ENTPD1: variants seen among roughly 807,000 people sequenced by gnomAD.
The protein encoded by ENTPD1 is ectonucleoside triphosphate diphosphohydrolase 1.
A neutral mutation model predicts 57.0 loss-of-function variants in ENTPD1; 33 were observed. The ratio of observed to expected loss-of-function variants is 0.58; its 90% CI spans 0.44 to 0.77. The LOEUF (loss-of-function observed/expected upper bound fraction) is 0.77, where lower values mean the gene tolerates loss of function less well. Among genes scored for constraint, ENTPD1 ranks in the 30% least tolerant of loss-of-function variants. The pLI is 0.00. For missense variants in ENTPD1, 501 were observed against 603.4 expected (o/e 0.83, Z 1.78); for synonymous variants, 202 against 218.8 (o/e 0.92, Z 0.68).
intron 2 of ENTPD1, among the ~76,000 whole-genome samples, chr10:95,824,409 G>A (rs957444283): frequency 6.6e-6 from 1 of 152,252 alleles, no homozygotes; most frequent in Non-Finnish European, 1.5e-5. Context: ...TCACTGTATA[G>A]CAGAGGCGTG....
chr10:95,850,102 TA>T (rs2098442342), intron 7 of ENTPD1, among the ~76,000 whole-genome samples: 1 of 152,178 alleles, frequency 6.6e-6, no homozygotes, highest in Non-Finnish European at 1.5e-5. Context: ...CAGGGAGAGA[TA>T]GGGGCTGGAA....
chr10:95,764,570 A>G (rs2098080571), intron 1 of ENTPD1, among the ~76,000 whole-genome samples: 1 of 152,070 alleles, frequency 6.6e-6, no homozygotes, highest in Non-Finnish European at 1.5e-5. Flanking sequence ...ATCTTTTATT[A>G]TAGCCTTCCT....
intron 3 of ENTPD1, among the ~76,000 whole-genome samples, chr10:95,840,185 G>A (rs544974950): frequency 1.3e-5 from 2 of 152,310 alleles, no homozygotes; most frequent in South Asian, 4.1e-4. Context: ...TATACCACTT[G>A]TTTGTTACTC....
At chr10:95,694,603 G>A in the ENTPD1 span, among the ~76,000 whole-genome samples, 1 of 152,052 alleles carries the variant, frequency 6.6e-6, no homozygotes, top group Non-Finnish European at 1.5e-5. Context: ...AGAAAATAGG[G>A]AGAGAAAGAA....
upstream of ENTPD1, chr10:95,754,884 A>G (rs1260187649): frequency 6.6e-6 from 1 of 152,372 alleles, no homozygotes; most frequent in Admixed American, 6.5e-5. Context: ...AGATGCCTAA[A>G]CTAAAAGGTT....
At chr10:95,793,978 G>A (rs1383763109) in intron 1 of ENTPD1, among the ~76,000 whole-genome samples, 1 of 152,128 alleles carries the variant, frequency 6.6e-6, no homozygotes, top group Non-Finnish European at 1.5e-5. Context: ...AAATTAGAAA[G>A]TCACTAATGA....
chr10:95,773,765 G>A (rs868619646), intron 1 of ENTPD1, among the ~76,000 whole-genome samples: 16 of 152,268 alleles, frequency 1.1e-4, no homozygotes, highest in Admixed American at 3.3e-4. Context: ...CCAAGTCTTT[G>A]CTATTGTGAA....
At chr10:95,788,156 A>C (rs927373923) in intron 1 of ENTPD1, among the ~76,000 whole-genome samples, 1 of 152,188 alleles carries the variant, frequency 6.6e-6, no homozygotes, top group Non-Finnish European at 1.5e-5. Flanking sequence ...TCTAGGCATT[A>C]ATAGTCCTAA....
chr10:95,787,421 T>A (rs1435268801), intron 1 of ENTPD1, among the ~76,000 whole-genome samples: 1 of 152,162 alleles, frequency 6.6e-6, no homozygotes, highest in Non-Finnish European at 1.5e-5. Context: ...TATTTAAAGA[T>A]ATAGGTGTTT....
intron 1 of ENTPD1, among the ~76,000 whole-genome samples, chr10:95,765,507 C>T (rs1043873347): frequency 1.2e-4 from 18 of 152,176 alleles, no homozygotes; most frequent in Middle Eastern, 3.4e-3. Flanking sequence ...TAAGTGTGAG[C>T]GTTTTTTTCT....
the ENTPD1 span, among the ~76,000 whole-genome samples, chr10:95,700,701 A>C: frequency 6.6e-6 from 1 of 152,208 alleles, no homozygotes; most frequent in Non-Finnish European, 1.5e-5. Context: ...TAAAAAGAAA[A>C]GAAAATGGAA....
In ENTPD1 at chr10:95,866,338, G is replaced by GT; in HGVS notation, c.1488_1489insT (p.Leu497SerfsTer26). ...TTTTCACAGTGGCCATCATAGGCTTGCTTATCTTTCACAAGCCTTCATATT... is the reference window on the plus strand; with the variant it reads ...TTTTCACAGTGGCCATCATAGGCTTGTCTTATCTTTCACAAGCCTTCATATT... On this transcript the variant is annotated frameshift_variant, in exon 10 of 10. Coordinates refer to ENST00000371205, the MANE Select transcript of ENTPD1 (RefSeq NM_001776.6). LOFTEE classifies it high-confidence loss of function. 6.2e-7 allele frequency: 1 copy of GT among 1,614,142 alleles called. No individual in the cohort carries two copies. Among genetic ancestry groups the GT allele is most frequent in the Non-Finnish European group, 8.5e-7 (1 of 1,180,034 alleles).
intron 1 of ENTPD1, 145 bp from the exon 2 acceptor site, chr10:95,823,092 G>A: frequency 1.1e-6 from 1 of 909,790 alleles, no homozygotes; most frequent in South Asian, 1.4e-5. Context: ...CAATTACTCT[G>A]TAAGTACCTC....
rs2098203156 is a variant in ENTPD1, at chr10:95,791,403, A to G, written c.17-31834A>G. ...AGCCTGGAGAATAGGGGACTTGAGGATGGGGTTTATATACTGGCAACCCAT... is the reference window on the plus strand; with the variant it reads ...AGCCTGGAGAATAGGGGACTTGAGGGTGGGGTTTATATACTGGCAACCCAT... On this transcript the variant is annotated intron_variant, in intron 1 of 9. Coordinates refer to ENST00000371205, the MANE Select transcript of ENTPD1 (RefSeq NM_001776.6). This position sits in a 1 kb window ranked among gnomAD's most constrained non-coding sequence, Gnocchi z 4.1. Among the ~76,000 whole-genome samples the G allele has an allele frequency of 1.3e-5, 2 of 152,180 alleles. No individual in the cohort carries two copies. Among genetic ancestry groups the G allele is most frequent in the Non-Finnish European group, 2.9e-5 (2 of 68,018 alleles).
intron 1 of ENTPD1, among the ~76,000 whole-genome samples, chr10:95,821,037 C>T (rs923373627): frequency 6.6e-6 from 1 of 152,136 alleles, no homozygotes; most frequent in Non-Finnish European, 1.5e-5. Context: ...AACATTGCTA[C>T]AGTTTGTTTG....
chr10:95,826,373 G>A (rs911805154), intron 2 of ENTPD1, among the ~76,000 whole-genome samples: 1 of 152,000 alleles, frequency 6.6e-6, no homozygotes, highest in Non-Finnish European at 1.5e-5. Flanking sequence ...AGGAGCTTGA[G>A]ACCACCCTGG....
chr10:95,832,799 G>T (rs891616432), intron 2 of ENTPD1, among the ~76,000 whole-genome samples: 1 of 152,134 alleles, frequency 6.6e-6, no homozygotes, highest in Non-Finnish European at 1.5e-5. Flanking sequence ...GATAGTAACA[G>T]TACCTACTTA....
Position 95,719,037 on chromosome 10 carries a change from G to A in ENTPD1, c.37+7044G>A, listed in dbSNP as rs1589639857. Among the ~76,000 whole-genome samples the A allele has an allele frequency of 5.9e-5, 9 of 152,302 alleles. No individual in the cohort carries two copies. In the South Asian group the frequency reaches 1.7e-3, roughly 28 times the overall value. ...ACAGCCACAAGTCTCCTTTAGCAGT[G>A]AGTATGCTGTTCACATCATGAGATG... On this transcript the variant is annotated intron_variant, in intron 1 of 9. Coordinates refer to the ENTPD1 transcript ENST00000453258.
At chr10:95,802,744 G>C (rs2140349504) in intron 1 of ENTPD1, among the ~76,000 whole-genome samples, 1 of 152,300 alleles carries the variant, frequency 6.6e-6, no homozygotes, top group African/African-American at 2.4e-5. Context: ...TGCTGAGGAT[G>C]ATGGTTTCCA....
Sources: gnomAD v4.1 joint callset for allele counts (sites outside exome capture counted in the v4.1 genomes callset) on GRCh38, gnomAD v4.1.1 for gene constraint, Gnocchi (gnomAD v3.1) non-coding constraint, MANE v1.5 for transcripts, NCBI Gene and HGNC (gene_info 2026-07-23, HGNC 2026-07-21) for gene names.